The following TAFA2 variants were observed in gnomAD, a reference collection of about 807,000 sequenced individuals.
TAFA2 encodes the protein chemokine-like protein TAFA-2.
In TAFA2, 7 loss-of-function variants were observed where a neutral mutation model predicts 18.8. That is an observed-to-expected ratio of 0.37 (90% confidence interval 0.21 to 0.70). The LOEUF is 0.70. TAFA2 is among the 30% of genes least tolerant of loss of function. The probability of loss-of-function intolerance (pLI) is 0.53; values close to 1 mark genes in which losing one functional copy is unlikely to be tolerated. For missense variants in TAFA2, 122 were observed against 158.1 expected (o/e 0.77, Z 1.23); for synonymous variants, 60 against 54.2 (o/e 1.11, Z -0.47).
intron 1 of TAFA2, among the ~76,000 whole-genome samples, chr12:62,055,075 G>A (rs1302348081): frequency 6.6e-6 from 1 of 152,096 alleles, no homozygotes; most frequent in African/African-American, 2.4e-5. Context: ...CATGAGAGTG[G>A]AGTCCTCATA....
intron 1 of TAFA2, among the ~76,000 whole-genome samples, chr12:62,145,080 A>C (rs1167948686): frequency 6.6e-6 from 1 of 152,202 alleles, no homozygotes; most frequent in Non-Finnish European, 1.5e-5. Flanking sequence ...ATAACTTCTT[A>C]TTCAGCTTTT....
chr12:61,825,409 G>T (rs1339891918), intron 2 of TAFA2, among the ~76,000 whole-genome samples: 2 of 152,116 alleles, frequency 1.3e-5, no homozygotes, highest in Non-Finnish European at 2.9e-5. Context: ...GGCAGTATTG[G>T]TTTGTGGGGA....
At chr12:61,963,878 G>A (rs1878975844) in intron 1 of TAFA2, among the ~76,000 whole-genome samples, 1 of 151,922 alleles carries the variant, frequency 6.6e-6, no homozygotes, top group Non-Finnish European at 1.5e-5. Flanking sequence ...TACCAAAACA[G>A]ATATATAGAC....
intron 1 of TAFA2, among the ~76,000 whole-genome samples, chr12:61,920,130 A>T (rs1876989397): frequency 6.6e-6 from 1 of 152,214 alleles, no homozygotes; most frequent in African/African-American, 2.4e-5. Context: ...ACAAATCAGC[A>T]CTAACTTAGA....
At chr12:61,936,816 G>A (rs923908882) in intron 1 of TAFA2, among the ~76,000 whole-genome samples, 1 of 152,064 alleles carries the variant, frequency 6.6e-6, no homozygotes, top group Non-Finnish European at 1.5e-5. Flanking sequence ...GTCCTAGCCA[G>A]AGCAACCATG....
At chr12:62,104,836 C>T (rs956512165) in intron 1 of TAFA2, 4 of 353,424 alleles carry the variant, frequency 1.1e-5, no homozygotes, top group African/African-American at 8.8e-5. Context: ...GATTTTGAGG[C>T]TCAAGTTTGG....
At chr12:62,230,356 C>A (rs973222331) in intron 1 of TAFA2, among the ~76,000 whole-genome samples, 2 of 151,988 alleles carry the variant, frequency 1.3e-5, no homozygotes, top group Non-Finnish European at 2.9e-5. Context: ...TTGCTACAAA[C>A]TTCCCTCTTA....
chr12:61,787,613 C>T (rs1293632160), intron 2 of TAFA2, among the ~76,000 whole-genome samples: 2 of 151,638 alleles, frequency 1.3e-5, no homozygotes, highest in Non-Finnish European at 3.0e-5. Flanking sequence ...ACCAAAGTTA[C>T]ACTGTTATAA....
At chr12:61,860,616 C>T (rs1371037704) in intron 2 of TAFA2, among the ~76,000 whole-genome samples, 3 of 137,040 alleles carry the variant, frequency 2.2e-5, no homozygotes, top group Non-Finnish European at 5.0e-5. Flanking sequence ...GCTCTTTGCT[C>T]TCTGCTCTCC....
intron 1 of TAFA2, among the ~76,000 whole-genome samples, chr12:62,240,040 T>TTGCATAATTATATGC (rs1349413513): frequency 4.6e-5 from 7 of 151,410 alleles, no homozygotes; most frequent in Non-Finnish European, 1.0e-4. Flanking sequence ...TTATATATAT[T>TTGCATAATTATATGC]ATATAACAAA....
At chr12:61,816,676 G>T (rs1401111876) in intron 2 of TAFA2, among the ~76,000 whole-genome samples, 1 of 151,224 alleles carries the variant, frequency 6.6e-6, no homozygotes, top group African/African-American at 2.5e-5. Flanking sequence ...TTTAAGTAGA[G>T]CATTGGGATA....
intron 1 of TAFA2, among the ~76,000 whole-genome samples, chr12:62,092,730 C>T (rs1410156279): frequency 6.6e-6 from 1 of 151,958 alleles, no homozygotes; most frequent in African/African-American, 2.4e-5. Flanking sequence ...CATTAACAAA[C>T]ACCTACTATA....
At chr12:62,004,813 T>C (rs972375719) in intron 1 of TAFA2, among the ~76,000 whole-genome samples, 1 of 151,946 alleles carries the variant, frequency 6.6e-6, no homozygotes, top group Non-Finnish European at 1.5e-5. Context: ...ATAAAGAAAA[T>C]GTGGTACAGA....
chr12:61,778,642 C>T (rs1870374865), intron 2 of TAFA2, among the ~76,000 whole-genome samples: 1 of 151,874 alleles, frequency 6.6e-6, no homozygotes, highest in African/African-American at 2.4e-5. Flanking sequence ...TATGACATAG[C>T]TTGAAAACTG....
Position 61,758,673 on chromosome 12 carries a change from A to C in TAFA2, c.107-3649T>G, listed in dbSNP as rs541239025. Among the ~76,000 whole-genome samples the C allele has an allele frequency of 2.0e-5, 3 of 152,122 alleles. 1 individual carries two copies. Among genetic ancestry groups the C allele is most frequent in the Admixed American group, 2.0e-4 (3 of 15,254 alleles). ...AGTGAATTTACCAGGAAAGAGTGGT[A>C]GGAATACCAGGCAGGGAGTTAGCTG... is the stretch of plus-strand genomic sequence containing the variant. On this transcript the variant is annotated intron_variant, in intron 2 of 4. Transcript: ENST00000416284.
chr12:61,892,214 T>G (rs1479021935), intron 1 of TAFA2, among the ~76,000 whole-genome samples: 1 of 151,960 alleles, frequency 6.6e-6, no homozygotes, highest in Non-Finnish European at 1.5e-5. Flanking sequence ...AGTCAAGATA[T>G]TTGGTTTAAA....
intron 1 of TAFA2, among the ~76,000 whole-genome samples, chr12:62,056,696 T>C (rs1425294304): frequency 6.6e-6 from 1 of 152,196 alleles, no homozygotes; most frequent in Non-Finnish European, 1.5e-5. Flanking sequence ...AATAAGCAAG[T>C]CCTTCCTCAA....
chr12:62,147,316 GTGTATGTATGTATATATATATATA>G (rs1229723129), intron 1 of TAFA2, among the ~76,000 whole-genome samples: 16 of 45,348 alleles, frequency 3.5e-4, no homozygotes, highest in South Asian at 1.9e-3. Context: ...GTGTGTGTGT[GTGTATGTATGTATATATATATATA>G]TATATATATA....
At chr12:61,917,414 T>G (rs1876871229) in intron 1 of TAFA2, among the ~76,000 whole-genome samples, 1 of 152,180 alleles carries the variant, frequency 6.6e-6, no homozygotes. Flanking sequence ...CTAACAACTA[T>G]GCATCTAGGC....
Sources: allele counts gnomAD v4.1 joint callset (sites outside exome capture counted in the v4.1 genomes callset), GRCh38; gene constraint gnomAD v4.1.1; transcripts MANE v1.5; gene names NCBI Gene and HGNC (gene_info 2026-07-23, HGNC 2026-07-21).